MYO16: variants seen among roughly 807,000 people sequenced by gnomAD.
MYO16 encodes the protein myosin XVI, also known as unconventional myosin-XVI.
In MYO16, 94 loss-of-function variants were observed where a neutral mutation model predicts 205.3. The ratio of observed to expected loss-of-function variants is 0.46; its 90% CI spans 0.39 to 0.54. MYO16 has a LOEUF of 0.54. Ranked by LOEUF, MYO16 falls within the 20% of genes least tolerant of loss-of-function variation. The probability of loss-of-function intolerance (pLI) is 0.00; values close to 1 mark genes in which losing one functional copy is unlikely to be tolerated. For missense variants in MYO16, 2,315 were observed against 2,387.5 expected (o/e 0.97, Z 0.63); for synonymous variants, 988 against 954.0 (o/e 1.04, Z -0.66).
At chr13:109,014,226 C>T (rs1170087279) in intron 22 of MYO16, among the ~76,000 whole-genome samples, 1 of 152,124 alleles carries the variant, frequency 6.6e-6, no homozygotes, top group African/African-American at 2.4e-5. Context: ...AATAGGGAAT[C>T]CTTTCCCCAT....
chr13:108,622,398 T>G (rs1389901018), intron 1 of MYO16, among the ~76,000 whole-genome samples: 1 of 151,890 alleles, frequency 6.6e-6, no homozygotes, highest in Non-Finnish European at 1.5e-5. Context: ...CTTTAGGGAG[T>G]GACAGATACA....
chr13:109,093,471 G>T (rs1464950133), intron 27 of MYO16, among the ~76,000 whole-genome samples: 1 of 152,142 alleles, frequency 6.6e-6, no homozygotes, highest in Non-Finnish European at 1.5e-5. Context: ...ACTGGCTGAC[G>T]TTTGGTCAAT....
At chr13:108,935,228 G>A (rs912974511) in intron 16 of MYO16, among the ~76,000 whole-genome samples, 1 of 152,060 alleles carries the variant, frequency 6.6e-6, no homozygotes, top group East Asian at 1.9e-4. Context: ...TCATATTAGT[G>A]ATATTGATTC....
intron 16 of MYO16, among the ~76,000 whole-genome samples, chr13:108,932,006 T>A (rs930395867): frequency 6.6e-6 from 1 of 152,224 alleles, no homozygotes; most frequent in Non-Finnish European, 1.5e-5. Context: ...ACATTTTCCA[T>A]TTCTGTATCA....
At chr13:108,924,509 A>AT (rs2139273035) in intron 16 of MYO16, among the ~76,000 whole-genome samples, 2 of 152,348 alleles carry the variant, frequency 1.3e-5, no homozygotes, top group South Asian at 4.1e-4. Context: ...ATAGGAAGAA[A>AT]TGATCATTAT....
chr13:109,012,779 G>GTATATATATATATATA (rs113007743), intron 22 of MYO16, among the ~76,000 whole-genome samples: 13 of 146,658 alleles, frequency 8.9e-5, no homozygotes, highest in African/African-American at 3.3e-4. Flanking sequence ...ATGTGTGTGT[G>GTATATATATATATATA]TATATATATA....
intron 7 of MYO16, among the ~76,000 whole-genome samples, chr13:108,809,811 A>G (rs1887230194): frequency 6.6e-6 from 1 of 152,212 alleles, no homozygotes; most frequent in African/African-American, 2.4e-5. Flanking sequence ...CTGGAATAGA[A>G]AGGGCCAGCG....
chr13:108,972,247 C>CTATATATATATA (rs1249747098), intron 20 of MYO16, among the ~76,000 whole-genome samples: 9 of 6,058 alleles, frequency 1.5e-3, no homozygotes, highest in Non-Finnish European at 2.3e-3. Context: ...CTCTCTCTCT[C>CTATATATATATA]TCTATATATA....
At chr13:108,496,486 T>G in the MYO16 span, among the ~76,000 whole-genome samples, 1 of 152,248 alleles carries the variant, frequency 6.6e-6, no homozygotes, top group South Asian at 2.1e-4. Context: ...CGACCCCAGC[T>G]GGGCAGTGTC....
chr13:108,898,351 A>AGAGTGTGTGTGTGT (rs1555310476), intron 15 of MYO16, among the ~76,000 whole-genome samples: 1 of 144,992 alleles, frequency 6.9e-6, no homozygotes, highest in African/African-American at 2.6e-5. Flanking sequence ...AGGGTGTGTG[A>AGAGTGTGTGTGTGT]GTGTGTGTGT....
At chr13:108,602,577 A>G (rs562533472) in intron 1 of MYO16, among the ~76,000 whole-genome samples, 16 of 98,152 alleles carry the variant, frequency 1.6e-4, no homozygotes, top group Admixed American at 3.4e-4. Context: ...AAATATGGGG[A>G]AAAAAATCAC....
the MYO16 span, among the ~76,000 whole-genome samples, chr13:108,525,131 A>G: frequency 6.6e-6 from 1 of 152,238 alleles, no homozygotes; most frequent in Admixed American, 6.5e-5. Context: ...GAGAACGACC[A>G]TTCAAAATCA....
chr13:108,957,639 G>T, intron 16 of MYO16, 49 bp from the exon 17 acceptor site: 2 of 1,331,040 alleles, frequency 1.5e-6, no homozygotes, highest in Non-Finnish European at 2.2e-6. Context: ...AACCACAGAA[G>T]TCTGACCGGA....
chr13:108,889,553 C>A (rs1880063407), intron 14 of MYO16, among the ~76,000 whole-genome samples: 1 of 152,144 alleles, frequency 6.6e-6, no homozygotes, highest in Non-Finnish European at 1.5e-5. Context: ...GGGGAACAGA[C>A]AGGACAGGAA....
At chr13:109,107,862 T>G (rs1393263619) in intron 28 of MYO16, among the ~76,000 whole-genome samples, 1 of 141,010 alleles carries the variant, frequency 7.1e-6, no homozygotes, top group Non-Finnish European at 1.5e-5. Context: ...TGTCTGTGTG[T>G]GTGTATTTCC....
At chr13:108,867,466 C>T (rs1878778349) in intron 12 of MYO16, among the ~76,000 whole-genome samples, 1 of 152,070 alleles carries the variant, frequency 6.6e-6, no homozygotes, top group South Asian at 2.1e-4. Flanking sequence ...CCTCCCAATC[C>T]TATGCCAACC....
At chr13:108,518,353 T>G in the MYO16 span, among the ~76,000 whole-genome samples, 1 of 152,200 alleles carries the variant, frequency 6.6e-6, no homozygotes. Context: ...AATGAGATCT[T>G]ACAACACATT....
intron 9 of MYO16, among the ~76,000 whole-genome samples, chr13:108,836,572 C>CA (rs1462795465): frequency 6.6e-6 from 1 of 152,140 alleles, no homozygotes; most frequent in Non-Finnish European, 1.5e-5. Flanking sequence ...TGCAGACCCT[C>CA]AATGCCAGCC....
chr13:109,003,318 T>A (rs1292062698), intron 21 of MYO16, among the ~76,000 whole-genome samples: 16 of 152,140 alleles, frequency 1.1e-4, no homozygotes, highest in Admixed American at 2.0e-4. Context: ...TACTTTAAAA[T>A]TTTTTCCCCC....
Sources: allele counts gnomAD v4.1 joint callset (sites outside exome capture counted in the v4.1 genomes callset), GRCh38; gene constraint gnomAD v4.1.1; transcripts MANE v1.5; gene names NCBI Gene and HGNC (gene_info 2026-07-23, HGNC 2026-07-21).